The following C9 variants were observed in gnomAD, a reference collection of about 807,000 sequenced individuals.
C9 encodes complement C9.
A neutral mutation model predicts 65.4 loss-of-function variants in C9; 63 were observed. The observed-to-expected ratio is 0.96, with a 90% CI of 0.79 to 1.19. C9 has a LOEUF of 1.19. Ranked by LOEUF, C9 falls within the 50% of genes most tolerant of loss-of-function variation. The pLI, the probability that C9 is intolerant of heterozygous loss-of-function variation, is 0.00. For synonymous variants in C9, 229 were observed against 227.9 expected (o/e 1.00, Z -0.04); for missense variants, 744 against 670.1 (o/e 1.11, Z -1.22).
chr5:39,289,080 C>T (rs755356259), intron 9 of C9, 129 bp from the exon 10 acceptor site: 1 of 678,496 alleles, frequency 1.5e-6, no homozygotes, highest in Non-Finnish European at 2.7e-6. Flanking sequence ...ATAGTATTGC[C>T]AGATGTGATG....
chr5:39,316,957 CCCA>C (rs1753579330), intron 5 of C9, among the ~76,000 whole-genome samples: 1 of 152,194 alleles, frequency 6.6e-6, no homozygotes, highest in African/African-American at 2.4e-5. Flanking sequence ...AATTTACACA[CCCA>C]CCAACACTGT....
chr5:39,321,913 T>C (rs10214115), intron 5 of C9, among the ~76,000 whole-genome samples: 4,486 of 152,146 alleles, frequency 0.029, 204 homozygotes, highest in African/African-American at 0.1. Flanking sequence ...GGGGACTTCT[T>C]AATACTCCAC....
chr5:39,361,814 GA>G (rs1046866262), intron 1 of C9, among the ~76,000 whole-genome samples: 2 of 151,970 alleles, frequency 1.3e-5, no homozygotes, highest in East Asian at 1.9e-4. Context: ...AAAGAAAAAA[GA>G]AAAAAACAAT....
chr5:39,358,081 C>A (rs1304710274), intron 1 of C9, among the ~76,000 whole-genome samples: 1 of 152,156 alleles, frequency 6.6e-6, no homozygotes, highest in Non-Finnish European at 1.5e-5. Context: ...ATGACCCCAG[C>A]TGCAGCCACC....
intron 5 of C9, among the ~76,000 whole-genome samples, chr5:39,317,048 T>C (rs1404074927): frequency 1.3e-5 from 2 of 152,208 alleles, no homozygotes; most frequent in Non-Finnish European, 2.9e-5. Context: ...TCTGACTGGT[T>C]TGAGATGGTA....
intron 9 of C9, among the ~76,000 whole-genome samples, chr5:39,300,621 A>G (rs1753262652): frequency 6.6e-6 from 1 of 152,114 alleles, no homozygotes; most frequent in Non-Finnish European, 1.5e-5. Flanking sequence ...ATTGAGGCAG[A>G]AAACATTTAC....
intron 7 of C9, 148 bp downstream of exon 7, chr5:39,310,989 G>A (rs1162363389): frequency 1.2e-6 from 1 of 844,738 alleles, no homozygotes; most frequent in East Asian, 2.5e-5. Flanking sequence ...AGGGTTTTAG[G>A]TGCCAAAGGG....
chr5:39,341,232 A>C lies in C9; in HGVS notation c.390T>G (p.Asp130Glu). ...NGDNDCGDFS[D>E]EDDCESEPRP... is the part of the protein sequence containing the mutation. Reference sequence around the variant, plus strand: ...GGGGCTCACTTTCACAATCATCCTCATCTGAAAAGTCTCCGCAGTCATTGT... The same window carrying C: ...GGGGCTCACTTTCACAATCATCCTCCTCTGAAAAGTCTCCGCAGTCATTGT... The change falls in exon 4 of 11, where the codon GAT (aspartate) becomes GAG (glutamate). Residue 130 changes from aspartate (D) to glutamate (E), a missense_variant. Asp to Glu is a conservative substitution (Grantham distance 45). Transcript: ENST00000263408. 1 of 1,613,920 alleles carries C rather than the reference A, an allele frequency of 6.2e-7. No individual in the cohort carries two copies. Among genetic ancestry groups the C allele is most frequent in the Non-Finnish European group, 8.5e-7 (1 of 1,179,860 alleles).
Position 39,311,344 on chromosome 5 carries a change from G to A in C9, c.904C>T (p.His302Tyr). 5.0e-6 allele frequency: 8 copies of A among 1,612,392 alleles called. No individual in the cohort carries two copies. Among genetic ancestry groups the A allele is most frequent in the Non-Finnish European group, 6.8e-6 (8 of 1,178,664 alleles). The change falls in exon 7 of 11, where the codon CAT (histidine) becomes TAT (tyrosine). Residue 302 changes from histidine to tyrosine, a missense_variant. By Grantham distance (83) the His-to-Tyr change is moderately conservative. Coordinates refer to ENST00000263408, the MANE Select transcript of C9 (RefSeq NM_001737.5). The part of the protein sequence containing the change: ...KMFLHVKGEI[H>Y]LGRFVMRNRD... ...TTTCTCATTACAAATCTTCCCAGAT[G>A]AATTTCTCCTTTCACATGCAGAAAC...
rs1753802065 is a variant in C9 at position 39,329,176 on chromosome 5, C to T, written c.615+2500G>A. Among the ~76,000 whole-genome samples the T allele has an allele frequency of 2.0e-5, 3 of 152,158 alleles. No homozygotes were observed. The South Asian group carries it at 6.2e-4, about 32-fold the overall frequency. On this transcript the variant is annotated intron_variant, in intron 5 of 10. Transcript: ENST00000263408. The stretch of plus-strand genomic sequence containing the variant: ...ATAAACGCAATCATCACTCCCCCCT[C>T]CCCTTTTTACTTCTACAGTTGTTCT...
At chr5:39,363,671 A>G (rs1754562714) in intron 1 of C9, among the ~76,000 whole-genome samples, 1 of 152,214 alleles carries the variant, frequency 6.6e-6, no homozygotes, top group African/African-American at 2.4e-5. Flanking sequence ...AGGATGCCTC[A>G]TGTGACCCTA....
Position 39,333,779 on chromosome 5 carries a change from T to G in C9, c.477-1965A>C, listed in dbSNP as rs1040925000. Among the ~76,000 whole-genome samples the G allele has an allele frequency of 9.9e-5, 15 of 151,096 alleles. No individual in the cohort carries two copies. The East Asian group carries it at 2.7e-3, about 28-fold the overall frequency. On this transcript the variant is annotated intron_variant, in intron 4 of 10. Transcript: ENST00000263408. ...GGCGCGCACCGCCACGCCTGACTGG[T>G]TTTCGTATTTTTTTGGTGGAGACGG...
intron 1 of C9, among the ~76,000 whole-genome samples, chr5:39,344,845 A>G (rs888094977): frequency 3.3e-5 from 5 of 152,230 alleles, no homozygotes; most frequent in African/African-American, 1.2e-4. Flanking sequence ...TCTACAAGCC[A>G]GAAGAGAGTG....
chr5:39,286,839 TCAC>T (rs951337467), intron 10 of C9, among the ~76,000 whole-genome samples: 4 of 151,952 alleles, frequency 2.6e-5, no homozygotes, highest in African/African-American at 9.7e-5. Context: ...ACATATTTTG[TCAC>T]CACATGATTG....
At chr5:39,356,694 G>A (rs755359055) in intron 1 of C9, among the ~76,000 whole-genome samples, 1 of 152,204 alleles carries the variant, frequency 6.6e-6, no homozygotes, top group Non-Finnish European at 1.5e-5. Flanking sequence ...CATGCAAAAA[G>A]AATATATTAT....
chr5:39,311,516 G>A, intron 6 of C9, 139 bp from the exon 7 acceptor site: 1 of 749,724 alleles, frequency 1.3e-6, no homozygotes, highest in Non-Finnish European at 2.3e-6. Context: ...CCACCAGAAG[G>A]GCTAAATGTA....
intron 5 of C9, among the ~76,000 whole-genome samples, chr5:39,324,077 A>G (rs1561343490): frequency 2.6e-5 from 4 of 152,208 alleles, no homozygotes; most frequent in Admixed American, 6.5e-5. Context: ...AGAATTAAAA[A>G]GAATAAAACA....
chr5:39,354,922 T>C (rs1754388946), intron 1 of C9, among the ~76,000 whole-genome samples: 2 of 152,184 alleles, frequency 1.3e-5, no homozygotes, highest in African/African-American at 4.8e-5. Flanking sequence ...AGGAATCTCA[T>C]TGGAACATCA....
At chr5:39,306,313 G>A (rs1753376013) in intron 9 of C9, among the ~76,000 whole-genome samples, 1 of 152,124 alleles carries the variant, frequency 6.6e-6, no homozygotes, top group African/African-American at 2.4e-5. Context: ...AGTGTGTGCT[G>A]TATGCTCTAT....
Sources: allele counts gnomAD v4.1 joint callset (sites outside exome capture counted in the v4.1 genomes callset), GRCh38; gene constraint gnomAD v4.1.1; transcripts MANE v1.5; gene names NCBI Gene and HGNC (gene_info 2026-07-23, HGNC 2026-07-21).